DHRS7C: variants seen among roughly 807,000 people sequenced by gnomAD.
The protein encoded by DHRS7C is dehydrogenase/reductase SDR family member 7C.
DHRS7C carries 28 observed loss-of-function variants against 29.6 expected under a neutral mutation model. That is an observed-to-expected ratio of 0.95 (90% CI 0.70 to 1.30). The LOEUF (loss-of-function observed/expected upper bound fraction) is 1.30. Ranked by LOEUF, DHRS7C falls within the 50% of genes most tolerant of loss-of-function variation. The pLI is 0.00. For synonymous variants in DHRS7C, 158 were observed against 160.2 expected (o/e 0.99, Z 0.10); for missense variants, 403 against 393.3 (o/e 1.02, Z -0.21).
intron 5 of DHRS7C, among the ~76,000 whole-genome samples, chr17:9,772,431 G>A (rs978979833): frequency 1.3e-5 from 2 of 152,164 alleles, no homozygotes; most frequent in Non-Finnish European, 2.9e-5. Flanking sequence ...AAGGGAAAGG[G>A]GGAGCGGGAA....
chr17:9,790,850 A>G (rs1597933292), intron 1 of DHRS7C, among the ~76,000 whole-genome samples: 1 of 152,094 alleles, frequency 6.6e-6, no homozygotes, highest in East Asian at 1.9e-4. Flanking sequence ...ATTTCTGGAA[A>G]CCCCATGAAG....
rs537953459 is a variant in DHRS7C, at chr17:9,783,213, G to C, written c.155-1619C>G. Among the ~76,000 whole-genome samples, 55 of 152,306 alleles carry C rather than the reference G, an allele frequency of 3.6e-4. 1 individual carries two copies. The South Asian group carries it at 0.011, about 30-fold the overall frequency. ...GGGCTCTAGGAGAGCTCAGTCTGCT[G>C]ACAGAGGGAAACCCGAATCCAGAAG... is the stretch of plus-strand genomic sequence containing the variant. On this transcript the variant is annotated intron_variant, in intron 1 of 5. Coordinates refer to ENST00000571134, the MANE Select transcript of DHRS7C (RefSeq NM_001105571.3).
chr17:9,788,556 C>G (rs538244379), intron 1 of DHRS7C, among the ~76,000 whole-genome samples: 1 of 152,336 alleles, frequency 6.6e-6, no homozygotes, highest in East Asian at 1.9e-4. Flanking sequence ...TGACAGGATT[C>G]CCCGCTTGGC....
chr17:9,771,588 G>A lies in DHRS7C; in HGVS notation c.836C>T (p.Pro279Leu). Reference sequence around the variant, plus strand: ...GGTGCGGACGTACACGGCGGCCTTGGGGATGGGGTTGGCCATAAACACCTC... The same window carrying A: ...GGTGCGGACGTACACGGCGGCCTTGAGGATGGGGTTGGCCATAAACACCTC... ...KQEVFMANPI[P>L]KAAVYVRTFF... is the part of the protein sequence containing the mutation. The change falls in exon 6 of 6, where the codon CCC becomes CTC. Residue 279 changes from proline to leucine, a missense_variant. Coordinates refer to ENST00000571134, the MANE Select transcript of DHRS7C (RefSeq NM_001105571.3). 6.3e-7 allele frequency: 1 copy of A among 1,598,240 alleles called. No individual in the cohort carries two copies. Among genetic ancestry groups the A allele is most frequent in the Non-Finnish European group, 8.5e-7 (1 of 1,171,482 alleles).
chr17:9,780,624 G>A (rs946021327), intron 2 of DHRS7C, among the ~76,000 whole-genome samples: 1 of 152,180 alleles, frequency 6.6e-6, no homozygotes, highest in African/African-American at 2.4e-5. Context: ...ACACCAAGGG[G>A]TAAATGCAAT....
chr17:9,790,336 C>T (rs1354049074), intron 1 of DHRS7C, among the ~76,000 whole-genome samples: 1 of 152,196 alleles, frequency 6.6e-6, no homozygotes, highest in East Asian at 1.9e-4. Flanking sequence ...AGTTGTACTA[C>T]CATTGTCTGG....
rs774648500 is a variant in DHRS7C, at chr17:9,771,492, C to T, written c.932G>A (p.Gly311Glu). The T allele has an allele frequency of 7.2e-6, 11 of 1,520,830 alleles. No individual in the cohort carries two copies. The highest frequency in any genetic ancestry group is 7.0e-5 in the African/African-American group (5 of 71,564). 94.2% of individuals were successfully genotyped at this position (1,520,830 alleles called of 1,614,324 possible). Residue 311 changes from glycine (G) to glutamate (E), a missense_variant, in exon 6 of 6, where the codon GGG becomes GAG. Transcript: ENST00000571134. ...VKEKLNVPEE[G>E] ...GGCCCATTTGGCCTCCTGCAGTTAC[C>T]CCTCCTCCGGGACATTGAGCTTCTC...
chr17:9,788,537 G>A (rs2066437193), intron 1 of DHRS7C, among the ~76,000 whole-genome samples: 1 of 152,204 alleles, frequency 6.6e-6, no homozygotes, highest in South Asian at 2.1e-4. Flanking sequence ...AGACACAGTG[G>A]GTACAAGGTG....
intron 3 of DHRS7C, 87 bp downstream of exon 3, chr17:9,779,738 G>A: frequency 1.5e-6 from 2 of 1,363,664 alleles, no homozygotes; most frequent in Non-Finnish European, 2.0e-6. Context: ...ATTCCATATA[G>A]AATAGGATGA....
chr17:9,784,735 T>C (rs1000557956), intron 1 of DHRS7C, among the ~76,000 whole-genome samples: 1 of 152,164 alleles, frequency 6.6e-6, no homozygotes, highest in African/African-American at 2.4e-5. Flanking sequence ...ATACCAGTAA[T>C]ACATAAATGC....
chr17:9,784,464 T>A (rs2066411398), intron 1 of DHRS7C, among the ~76,000 whole-genome samples: 1 of 151,838 alleles, frequency 6.6e-6, no homozygotes, highest in Admixed American at 6.6e-5. Context: ...AGAGTGAGAC[T>A]CCATCTCAAA....
chr17:9,784,162 G>T (rs555213878), intron 1 of DHRS7C, among the ~76,000 whole-genome samples: 29 of 152,098 alleles, frequency 1.9e-4, no homozygotes, highest in African/African-American at 7.0e-4. Flanking sequence ...ATGATTTATA[G>T]ATTTTACCCT....
rs957007375 is a variant in DHRS7C at position 9,771,556 on chromosome 17, G to A, written c.868C>T (p.Pro290Ser). ...GCCACCACGGCGAAAAAGAACTCCG[G>A]GAAGAAGGTGCGGACGTACACGGCG... ...KAAVYVRTFFPEFFFAVVACG... is the reference protein window; with the variant it reads ...KAAVYVRTFFSEFFFAVVACG... The change falls in exon 6 of 6, where the codon CCG becomes TCG. Residue 290 changes from proline to serine, a missense_variant. Transcript: ENST00000571134. 6 of 1,591,336 alleles carry A rather than the reference G, an allele frequency of 3.8e-6. No homozygotes were observed. The Middle Eastern group carries it at 5.0e-4, about 133-fold the overall frequency.
chr17:9,772,615 C>T (rs1340994596), intron 5 of DHRS7C, among the ~76,000 whole-genome samples, 152 bp downstream of exon 5: 1 of 152,118 alleles, frequency 6.6e-6, no homozygotes, highest in African/African-American at 2.4e-5. Context: ...GTTTGGGGGC[C>T]CCGCCCTGCT....
At chr17:9,787,564 C>T (rs778187129) in intron 1 of DHRS7C, among the ~76,000 whole-genome samples, 1 of 152,212 alleles carries the variant, frequency 6.6e-6, no homozygotes, top group Non-Finnish European at 1.5e-5. Flanking sequence ...CAGCAGGTAT[C>T]TCGCATCGAG....
At chr17:9,778,600 G>A (rs917888861) in intron 3 of DHRS7C, among the ~76,000 whole-genome samples, 11 of 152,242 alleles carry the variant, frequency 7.2e-5, no homozygotes, top group East Asian at 1.9e-4. Flanking sequence ...CTGACACACC[G>A]GTGCTGGCCT....
chr17:9,775,737 C>CG lies in DHRS7C; in HGVS notation c.571+1455dup, dbSNP rs1851273680. On this transcript the variant is annotated intron_variant, in intron 4 of 5. Coordinates refer to ENST00000571134, the MANE Select transcript of DHRS7C (RefSeq NM_001105571.3). This position sits in a 1 kb window ranked among gnomAD's most constrained non-coding sequence, Gnocchi z 4.2. ...AAAGGAAGGTAAAACACTACTAGAG[C>CG]GGGTGTTATGGGTTGAATTCTGTTA... is the stretch of plus-strand genomic sequence containing the variant. 6.6e-6 allele frequency among the ~76,000 whole-genome samples: 1 copy of CG among 152,022 alleles called. No individual in the cohort carries two copies. Among genetic ancestry groups the CG allele is most frequent in the Non-Finnish European group, 1.5e-5 (1 of 67,978 alleles).
At chr17:9,788,922 T>C (rs1404259322) in intron 1 of DHRS7C, among the ~76,000 whole-genome samples, 1 of 152,206 alleles carries the variant, frequency 6.6e-6, no homozygotes, top group African/African-American at 2.4e-5. Flanking sequence ...CAATGAGATA[T>C]AGTAAAAAAA....
chr17:9,777,123 CAT>C, intron 4 of DHRS7C, 68 bp downstream of exon 4: 4 of 1,343,268 alleles, frequency 3.0e-6, no homozygotes, highest in Non-Finnish European at 4.1e-6. Context: ...TAGTCTTAGA[CAT>C]AACAGCTCTT....
Sources: allele counts gnomAD v4.1 joint callset (sites outside exome capture counted in the v4.1 genomes callset), GRCh38; gene constraint gnomAD v4.1.1; non-coding constraint Gnocchi (gnomAD v3.1); transcripts MANE v1.5; gene names NCBI Gene and HGNC (gene_info 2026-07-23, HGNC 2026-07-21).